Variants in TP63 observed in about 807,000 individuals in gnomAD.
TP63 encodes tumor protein 63.
A neutral mutation model predicts 82.8 loss-of-function variants in TP63; 17 were observed. The ratio of observed to expected loss-of-function variants is 0.21; its 90% CI spans 0.14 to 0.31. The LOEUF (loss-of-function observed/expected upper bound fraction) is 0.31, where lower values mean the gene tolerates loss of function less well. TP63 is among the 10% of genes least tolerant of loss of function. The pLI is 1.00. For synonymous variants in TP63, 330 were observed against 321.7 expected (o/e 1.03, Z -0.28); for missense variants, 648 against 895.3 (o/e 0.72, Z 3.52).
At chr3:189,790,544 CA>C (rs1286010186) in intron 3 of TP63, among the ~76,000 whole-genome samples, 1 of 151,778 alleles carries the variant, frequency 6.6e-6, no homozygotes, top group African/African-American at 2.4e-5. Flanking sequence ...GATCTCTTCT[CA>C]GCAAGTTTGT....
the TP63 span, among the ~76,000 whole-genome samples, chr3:189,611,553 G>T: frequency 6.6e-6 from 1 of 152,284 alleles, no homozygotes; most frequent in Non-Finnish European, 1.5e-5. Context: ...TTGTAGTATA[G>T]TTTGAAGTCA....
At chr3:189,616,091 T>C in the TP63 span, among the ~76,000 whole-genome samples, 1 of 152,198 alleles carries the variant, frequency 6.6e-6, no homozygotes, top group Admixed American at 6.5e-5. Flanking sequence ...TTCATGAGTG[T>C]CATGGATCAA....
intron 9 of TP63, among the ~76,000 whole-genome samples, chr3:189,871,394 T>C (rs890513026): frequency 6.6e-6 from 1 of 152,160 alleles, no homozygotes; most frequent in African/African-American, 2.4e-5. Flanking sequence ...AAAATAAATA[T>C]TCCTAGATCA....
At chr3:189,596,828 T>A in the TP63 span, among the ~76,000 whole-genome samples, 1 of 152,124 alleles carries the variant, frequency 6.6e-6, no homozygotes, top group Non-Finnish European at 1.5e-5. Context: ...TGCTCACTCT[T>A]TGGGTGCACA....
At chr3:189,773,420 A>G (rs914360419) in intron 3 of TP63, among the ~76,000 whole-genome samples, 2 of 152,210 alleles carry the variant, frequency 1.3e-5, no homozygotes, top group Non-Finnish European at 2.9e-5. Flanking sequence ...CGTGTTTAAT[A>G]AGGTGGATGG....
the TP63 span, among the ~76,000 whole-genome samples, chr3:189,619,361 G>A: frequency 6.6e-6 from 1 of 152,282 alleles, no homozygotes; most frequent in South Asian, 2.1e-4. Flanking sequence ...GAGGATTTAG[G>A]AGAGTCTGCA....
intron 1 of TP63, among the ~76,000 whole-genome samples, chr3:189,727,890 C>T (rs1389080472): frequency 6.6e-6 from 1 of 152,190 alleles, no homozygotes; most frequent in African/African-American, 2.4e-5. Flanking sequence ...GCTAAAATGA[C>T]ATTTTAAACA....
chr3:189,816,373 G>T (rs1384482984), intron 4 of TP63, among the ~76,000 whole-genome samples: 1 of 152,144 alleles, frequency 6.6e-6, no homozygotes, highest in African/African-American at 2.4e-5. Context: ...CCATACATGA[G>T]CTTTGCACAT....
intron 1 of TP63, among the ~76,000 whole-genome samples, chr3:189,664,839 G>A (rs1377298250): frequency 6.6e-6 from 1 of 151,446 alleles, no homozygotes; most frequent in Non-Finnish European, 1.5e-5. Flanking sequence ...TGTGTAGATG[G>A]TAGAAAGCTA....
At chr3:189,621,665 A>G in the TP63 span, among the ~76,000 whole-genome samples, 9 of 152,080 alleles carry the variant, frequency 5.9e-5, no homozygotes, top group Non-Finnish European at 2.9e-5. Context: ...CTCTCTTCTC[A>G]TATTTCCCTC....
intron 3 of TP63, among the ~76,000 whole-genome samples, chr3:189,742,628 C>T (rs925137538): frequency 1.3e-5 from 2 of 152,164 alleles, no homozygotes; most frequent in Non-Finnish European, 2.9e-5. Flanking sequence ...CAGCCCTTAG[C>T]GTAGTGCCCT....
intron 4 of TP63, among the ~76,000 whole-genome samples, chr3:189,840,380 T>TACAAA (rs1713878568): frequency 6.8e-6 from 1 of 147,024 alleles, no homozygotes; most frequent in Non-Finnish European, 1.5e-5. Context: ...TTTTTTTTTT[T>TACAAA]TTTTTTTACA....
chr3:189,720,131 G>A (rs138189182), intron 1 of TP63, among the ~76,000 whole-genome samples: 188 of 151,956 alleles, frequency 1.2e-3, no homozygotes, highest in Middle Eastern at 0.01. Flanking sequence ...TTTTTTCCAC[G>A]CCACCTCTGT....
chr3:189,646,118 C>T (rs1026993711), intron 1 of TP63, among the ~76,000 whole-genome samples: 1 of 147,260 alleles, frequency 6.8e-6, no homozygotes, highest in Non-Finnish European at 1.5e-5. Flanking sequence ...ACAACTGTAG[C>T]ACCTGGGAAT....
intron 1 of TP63, among the ~76,000 whole-genome samples, chr3:189,643,467 A>C (rs959991835): frequency 2.7e-5 from 4 of 150,362 alleles, no homozygotes; most frequent in African/African-American, 7.3e-5. Flanking sequence ...AAAAAAAAAA[A>C]CCCTCAATGC....
intron 1 of TP63, among the ~76,000 whole-genome samples, chr3:189,666,325 A>C (rs1035129813): frequency 2.6e-5 from 4 of 152,224 alleles, no homozygotes; most frequent in African/African-American, 9.6e-5. Flanking sequence ...AATAAGACAT[A>C]TTTGACATTC....
At chr3:189,728,011 CAT>C (rs1451521442) in intron 1 of TP63, among the ~76,000 whole-genome samples, 8 of 152,004 alleles carry the variant, frequency 5.3e-5, no homozygotes. Flanking sequence ...AGTTTGAGAA[CAT>C]GTTTTATGTT....
intron 10 of TP63, chr3:189,880,729 A>G (rs1719818347): frequency 5.1e-6 from 5 of 985,474 alleles, no homozygotes; most frequent in Non-Finnish European, 6.0e-6. Context: ...TGTCAAGTGT[A>G]CTGCTGGGCA....
chr3:189,691,959 G>C (rs1716968211), intron 1 of TP63, among the ~76,000 whole-genome samples: 1 of 152,190 alleles, frequency 6.6e-6, no homozygotes, highest in African/African-American at 2.4e-5. Flanking sequence ...GCTTGTTAAT[G>C]TCAGGACTGA....
Sources: gnomAD v4.1 joint callset for allele counts (sites outside exome capture counted in the v4.1 genomes callset) on GRCh38, gnomAD v4.1.1 for gene constraint, MANE v1.5 for transcripts, NCBI Gene and HGNC (gene_info 2026-07-23, HGNC 2026-07-21) for gene names.